The following FTCDNL1 variants were observed in gnomAD, a reference collection of about 807,000 sequenced individuals.
FTCDNL1 encodes formiminotransferase cyclodeaminase N-terminal like, also known as formiminotransferase N-terminal subdomain-containing protein.
Under a neutral mutation model 5.9 loss-of-function variants are expected in FTCDNL1, and 11 were observed. The ratio of observed to expected loss-of-function variants is 1.87; its 90% CI spans 1.18 to 3.10. The LOEUF (loss-of-function observed/expected upper bound fraction) is 3.10. FTCDNL1 is among the 30% of genes most tolerant of loss of function. The pLI, the probability that FTCDNL1 is intolerant of heterozygous loss-of-function variation, is 0.00. For missense variants in FTCDNL1, 115 were observed against 65.5 expected (o/e 1.76, Z -2.61); for synonymous variants, 58 against 24.8 (o/e 2.34, Z -3.99).
chr2:199,787,786 G>T (rs150409392), intron 3 of FTCDNL1, among the ~76,000 whole-genome samples: 38 of 152,184 alleles, frequency 2.5e-4, no homozygotes, highest in African/African-American at 9.2e-4. Flanking sequence ...AGAGTCAATG[G>T]CATCTTAGAT....
chr2:199,747,058 CACACACAT>C, the FTCDNL1 span, among the ~76,000 whole-genome samples: 32 of 150,032 alleles, frequency 2.1e-4, no homozygotes, highest in African/African-American at 6.2e-4. Context: ...CACACACACA[CACACACAT>C]ACACACACAA....
intron 3 of FTCDNL1, among the ~76,000 whole-genome samples, chr2:199,770,592 GC>G (rs1332026974): frequency 1.3e-5 from 2 of 152,038 alleles, no homozygotes; most frequent in African/African-American, 2.4e-5. Context: ...ATTTTCCTGA[GC>G]CCCCCAGGGC....
At chr2:199,796,012 C>CTCT (rs1375919086) in intron 3 of FTCDNL1, among the ~76,000 whole-genome samples, 1 of 151,970 alleles carries the variant, frequency 6.6e-6, no homozygotes, top group Admixed American at 6.6e-5. Context: ...GGATAGCATG[C>CTCT]TCTTAATTTT....
chr2:199,666,490 T>C, the FTCDNL1 span, among the ~76,000 whole-genome samples: 3 of 152,232 alleles, frequency 2.0e-5, no homozygotes, highest in Non-Finnish European at 4.4e-5. Context: ...TTTTTCTCTC[T>C]TGACATCCAA....
the FTCDNL1 span, among the ~76,000 whole-genome samples, chr2:199,668,808 T>C: frequency 6.6e-6 from 1 of 152,034 alleles, no homozygotes; most frequent in Non-Finnish European, 1.5e-5. Flanking sequence ...GAGAAACAGC[T>C]GTGGAAGAAT....
At chr2:199,667,377 C>T in the FTCDNL1 span, among the ~76,000 whole-genome samples, 1 of 152,098 alleles carries the variant, frequency 6.6e-6, no homozygotes, top group Non-Finnish European at 1.5e-5. Flanking sequence ...TAGCTCATCC[C>T]TGTAATCCCA....
Position 199,822,436 on chromosome 2 carries a change from G to C in FTCDNL1, c.212-2679C>G, listed in dbSNP as rs1157057425. On this transcript the variant is annotated intron_variant, in intron 3 of 4. Coordinates refer to ENST00000420128, the MANE Select transcript of FTCDNL1 (RefSeq NM_001363886.2). ...ACCAAAAACTTTTTTGCTAAAAAAT[G>C]CTAAGGCTTCAGCAAGTCATCATCT... Among the ~76,000 whole-genome samples, 3 of 152,138 alleles carry C rather than the reference G, an allele frequency of 2.0e-5. No individual in the cohort carries two copies. The East Asian group carries it at 5.8e-4, about 29-fold the overall frequency.
At chr2:199,843,571 A>C (rs2076648390) in intron 3 of FTCDNL1, among the ~76,000 whole-genome samples, 1 of 152,186 alleles carries the variant, frequency 6.6e-6, no homozygotes, top group African/African-American at 2.4e-5. Context: ...TTTGGAAGCA[A>C]GTCTCATTTC....
the FTCDNL1 span, among the ~76,000 whole-genome samples, chr2:199,728,765 G>A: frequency 6.6e-6 from 1 of 152,116 alleles, no homozygotes. Context: ...TTCCTCCTCG[G>A]AGCCACAAGT....
the FTCDNL1 span, among the ~76,000 whole-genome samples, chr2:199,735,028 G>A: frequency 1.4e-5 from 2 of 147,388 alleles, no homozygotes; most frequent in Non-Finnish European, 3.0e-5. Flanking sequence ...TAACCACAAA[G>A]GTGTCTCAAA....
chr2:199,733,707 C>A, the FTCDNL1 span, among the ~76,000 whole-genome samples: 22,828 of 152,124 alleles, frequency 0.15, 1,855 homozygotes, highest in Middle Eastern at 0.3. Context: ...AAGCACAGCA[C>A]CTCAAAATGT....
chr2:199,827,466 T>C (rs1574638335), intron 3 of FTCDNL1, among the ~76,000 whole-genome samples: 1 of 152,126 alleles, frequency 6.6e-6, no homozygotes. Context: ...ACACTGGGTA[T>C]TAGATGGTAT....
chr2:199,726,377 G>A, the FTCDNL1 span, among the ~76,000 whole-genome samples: 1 of 152,140 alleles, frequency 6.6e-6, no homozygotes, highest in African/African-American at 2.4e-5. Context: ...ACCTTGTGAA[G>A]TCTACTTCTG....
Position 199,812,027 on chromosome 2 carries a change from AAAAT to A in FTCDNL1, c.*674_*677del, listed in dbSNP as rs1701065404. 6.6e-6 allele frequency among the ~76,000 whole-genome samples: 1 copy of A among 152,254 alleles called. No homozygotes were observed. ...AAATAACTTTCATATGCTTTTAAAT[AAAAT>A]AAGAGGTAATCACTTAACACAGAAT... is the stretch of plus-strand genomic sequence containing the variant. On this transcript the variant is annotated 3_prime_UTR_variant, in exon 5 of 5. Coordinates refer to ENST00000420128, the MANE Select transcript of FTCDNL1 (RefSeq NM_001363886.2).
the FTCDNL1 span, among the ~76,000 whole-genome samples, chr2:199,729,665 AAGG>A: frequency 6.6e-6 from 1 of 152,224 alleles, no homozygotes; most frequent in African/African-American, 2.4e-5. Context: ...GGACCTCTTC[AAGG>A]AGAACTACAA....
At chr2:199,842,413 T>C (rs1282018607) in intron 3 of FTCDNL1, among the ~76,000 whole-genome samples, 1 of 152,200 alleles carries the variant, frequency 6.6e-6, no homozygotes, top group African/African-American at 2.4e-5. Flanking sequence ...GGTGCTCAAG[T>C]TCAGGCTGCC....
the FTCDNL1 span, among the ~76,000 whole-genome samples, chr2:199,715,491 T>C: frequency 6.6e-6 from 1 of 152,202 alleles, no homozygotes; most frequent in Non-Finnish European, 1.5e-5. Flanking sequence ...AAGATGTGCC[T>C]TTGGTCCTCC....
chr2:199,706,811 C>CTA, the FTCDNL1 span, among the ~76,000 whole-genome samples: 1 of 152,220 alleles, frequency 6.6e-6, no homozygotes, highest in Non-Finnish European at 1.5e-5. Context: ...ATGCAGCTTT[C>CTA]AACCATGTTT....
At chr2:199,685,100 A>G in the FTCDNL1 span, among the ~76,000 whole-genome samples, 1 of 152,110 alleles carries the variant, frequency 6.6e-6, no homozygotes, top group African/African-American at 2.4e-5. Context: ...TCTCTGGGCT[A>G]ATCTTGGTTT....
Sources: allele counts gnomAD v4.1 joint callset (sites outside exome capture counted in the v4.1 genomes callset), GRCh38; gene constraint gnomAD v4.1.1; transcripts MANE v1.5; gene names NCBI Gene and HGNC (gene_info 2026-07-23, HGNC 2026-07-21).